MITF: variants seen among roughly 807,000 people sequenced by gnomAD.
MITF encodes the protein microphthalmia-associated transcription factor.
MITF carries 17 observed loss-of-function variants against 60.5 expected under a neutral mutation model. The ratio of observed to expected loss-of-function variants is 0.28; its 90% confidence interval spans 0.19 to 0.42. MITF has a LOEUF of 0.42. MITF is among the 10% of genes least tolerant of loss of function. The pLI is 1.00. For synonymous variants in MITF, 260 were observed against 248.5 expected (o/e 1.05, Z -0.43); for missense variants, 622 against 683.5 (o/e 0.91, Z 1.00).
At chr3:69,923,356 T>C (rs1432355962) in intron 2 of MITF, among the ~76,000 whole-genome samples, 2 of 152,220 alleles carry the variant, frequency 1.3e-5, no homozygotes, top group Admixed American at 1.3e-4. Context: ...TTATTTTCTT[T>C]CTTTTGGAGA....
In MITF at chr3:69,967,755, G is replaced by C. The variant is rs2066725299; in HGVS notation, c.*2507G>C. On this transcript the variant is annotated 3_prime_UTR_variant, in exon 10 of 10. Coordinates refer to ENST00000352241, the MANE Select transcript of MITF (RefSeq NM_001354604.2). ...CCAAATAGAGTGTGGATTCATTTCA[G>C]GGGCTAGCTAAGCCAAGAGGCAGTG... 4.3e-6 allele frequency: 1 copy of C among 232,856 alleles called. No individual in the cohort carries two copies. Among genetic ancestry groups the C allele is most frequent in the Non-Finnish European group, 8.5e-6 (1 of 117,898 alleles). 14.4% of individuals were successfully genotyped at this position (232,856 alleles called of 1,614,324 possible).
chr3:69,760,242 C>T (rs1319485396), intron 1 of MITF, among the ~76,000 whole-genome samples: 1 of 152,090 alleles, frequency 6.6e-6, no homozygotes, highest in East Asian at 1.9e-4. Flanking sequence ...CAGGAAAAGA[C>T]CACAGAGAGA....
At chr3:69,798,357 A>C (rs551362664) in intron 1 of MITF, among the ~76,000 whole-genome samples, 1 of 152,300 alleles carries the variant, frequency 6.6e-6, no homozygotes, top group East Asian at 1.9e-4. Flanking sequence ...AATTTAAGTC[A>C]CTTAGTCCCC....
intron 1 of MITF, among the ~76,000 whole-genome samples, chr3:69,770,882 C>G (rs1411010153): frequency 6.6e-6 from 1 of 152,034 alleles, no homozygotes; most frequent in Admixed American, 6.6e-5. Flanking sequence ...GAGAACTATT[C>G]AAAGATAAGA....
At chr3:69,947,835 G>A (rs1458362633) in intron 5 of MITF, among the ~76,000 whole-genome samples, 1 of 152,072 alleles carries the variant, frequency 6.6e-6, no homozygotes, top group Non-Finnish European at 1.5e-5. Flanking sequence ...ATGTTTAGAG[G>A]CTATCACAGA....
chr3:69,963,314 A>T (rs1322888662), intron 9 of MITF, among the ~76,000 whole-genome samples: 1 of 152,192 alleles, frequency 6.6e-6, no homozygotes. Flanking sequence ...GGGCTAAATG[A>T]TGCTTCTAAA....
chr3:69,813,274 C>T (rs1016134079), intron 1 of MITF, among the ~76,000 whole-genome samples: 10 of 152,168 alleles, frequency 6.6e-5, no homozygotes, highest in African/African-American at 2.4e-4. Context: ...TTGGATCTGT[C>T]AGTAGGTTGA....
intron 1 of MITF, among the ~76,000 whole-genome samples, chr3:69,741,374 T>C (rs1020775053): frequency 1.3e-5 from 2 of 152,070 alleles, no homozygotes; most frequent in African/African-American, 4.8e-5. Flanking sequence ...CTGAAAGAAA[T>C]AAATTAACCG....
chr3:69,776,446 A>T (rs892913509), intron 1 of MITF, among the ~76,000 whole-genome samples: 3 of 152,170 alleles, frequency 2.0e-5, no homozygotes, highest in African/African-American at 7.2e-5. Context: ...TGGTTACTTG[A>T]CATTTGCGTG....
chr3:69,930,748 T>C (rs2065703175), intron 2 of MITF, among the ~76,000 whole-genome samples: 1 of 152,246 alleles, frequency 6.6e-6, no homozygotes, highest in Admixed American at 6.5e-5. Flanking sequence ...TGGCAACTTG[T>C]TAGAAATGCA....
chr3:69,919,438 C>A (rs1222609534), intron 2 of MITF, among the ~76,000 whole-genome samples: 1 of 152,086 alleles, frequency 6.6e-6, no homozygotes, highest in African/African-American at 2.4e-5. Context: ...ATAAAACGAT[C>A]TAGAATCTTT....
chr3:69,831,994 A>G (rs928802133), intron 1 of MITF, among the ~76,000 whole-genome samples: 11 of 152,146 alleles, frequency 7.2e-5, no homozygotes, highest in African/African-American at 1.7e-4. Context: ...CGGTGCCCCA[A>G]TTTACACTTC....
chr3:69,861,254 A>G (rs1462633852), intron 1 of MITF, among the ~76,000 whole-genome samples: 6 of 152,180 alleles, frequency 3.9e-5, no homozygotes, highest in Non-Finnish European at 7.4e-5. Context: ...TTTGTCAGTC[A>G]TTCATGCATT....
At chr3:69,854,361 T>C (rs556820697) in intron 1 of MITF, among the ~76,000 whole-genome samples, 3 of 152,344 alleles carry the variant, frequency 2.0e-5, no homozygotes, top group South Asian at 4.1e-4. Context: ...CCATGGGTGC[T>C]CAAGTGTCTG....
rs557913732 is a variant in MITF, at chr3:69,751,672, A to T, written c.104+11971A>T. Among the ~76,000 whole-genome samples the T allele has an allele frequency of 2.0e-5, 3 of 151,864 alleles. 1 individual carries two copies. The South Asian group carries it at 6.3e-4, about 32-fold the overall frequency. On this transcript the variant is annotated intron_variant, in intron 1 of 9. Coordinates refer to ENST00000352241, the MANE Select transcript of MITF (RefSeq NM_001354604.2). ...TAATAAGTCTAAATTTCAGAGTAAG[A>T]CAGATTTGAACTTAAATTCCAATTT... is the stretch of plus-strand genomic sequence containing the variant.
chr3:69,771,349 G>T (rs900483748), intron 1 of MITF, among the ~76,000 whole-genome samples: 8 of 151,854 alleles, frequency 5.3e-5, no homozygotes, highest in African/African-American at 1.9e-4. Flanking sequence ...CTTGTCAGGC[G>T]CTCTGACTTT....
chr3:69,816,729 C>T (rs564799995), intron 1 of MITF, among the ~76,000 whole-genome samples: 1 of 152,094 alleles, frequency 6.6e-6, no homozygotes, highest in African/African-American at 2.4e-5. Flanking sequence ...GGTTTATGAG[C>T]ATTATTTGTG....
In MITF at chr3:69,949,099, C is replaced by A. The variant is rs1179191278; in HGVS notation, c.811C>A (p.Pro271Thr). 1.2e-6 allele frequency: 2 copies of A among 1,613,538 alleles called. No homozygotes were observed. The highest frequency in any genetic ancestry group is 1.7e-6 in the Non-Finnish European group (2 of 1,179,806). Residue 271 changes from proline to threonine, a missense_variant, in exon 6 of 10, where the codon CCC (proline) becomes ACC (threonine). By Grantham distance (38) the Pro-to-Thr change is conservative. Transcript: ENST00000352241. ...TGATCTTTATGGAAACCAAGGTCTG[C>A]CCCCACCAGGCCTCACCATCAGCAA... ...LIDLYGNQGL[P>T]PPGLTISNSC... is the part of the protein sequence containing the mutation.
Position 69,949,308 on chromosome 3 carries a change from T to A in MITF, c.880+140T>A, listed in dbSNP as rs2066181975. 3 of 662,076 alleles carry A rather than the reference T, an allele frequency of 4.5e-6. No individual in the cohort carries two copies. In the East Asian group the frequency reaches 8.1e-5, roughly 18 times the overall value. 41.0% of individuals were successfully genotyped at this position (662,076 alleles called of 1,614,324 possible). On this transcript the variant is annotated intron_variant, in intron 6 of 9. Coordinates refer to ENST00000352241, the MANE Select transcript of MITF (RefSeq NM_001354604.2). ...TAGGTCTCTGCAGTGGTTAAAACAT[T>A]ATGCAATATTTTAAGACGGAGAATT...
Sources: allele counts gnomAD v4.1 joint callset (sites outside exome capture counted in the v4.1 genomes callset), GRCh38; gene constraint gnomAD v4.1.1; transcripts MANE v1.5; gene names NCBI Gene and HGNC (gene_info 2026-07-23, HGNC 2026-07-21).